AGBL4: variants seen among roughly 807,000 people sequenced by gnomAD.
AGBL4 encodes AGBL carboxypeptidase 4, also known as cytosolic carboxypeptidase 6.
AGBL4 carries 58 observed loss-of-function variants against 66.4 expected under a neutral mutation model. That is an observed-to-expected ratio of 0.87 (90% CI 0.71 to 1.09). The LOEUF is 1.09. AGBL4 is among the 50% of genes least tolerant of loss of function. The pLI, the probability that AGBL4 is intolerant of heterozygous loss-of-function variation, is 0.00. For synonymous variants in AGBL4, 234 were observed against 222.9 expected (o/e 1.05, Z -0.44); for missense variants, 579 against 631.0 (o/e 0.92, Z 0.88).
chr1:49,403,449 T>G (rs1645130064), intron 3 of AGBL4, among the ~76,000 whole-genome samples: 1 of 152,212 alleles, frequency 6.6e-6, no homozygotes, highest in Non-Finnish European at 1.5e-5. Flanking sequence ...TTTAATTATT[T>G]TAATCTCTCT....
At chr1:49,154,916 C>T (rs1472878567) in intron 4 of AGBL4, among the ~76,000 whole-genome samples, 3 of 152,130 alleles carry the variant, frequency 2.0e-5, no homozygotes, top group Non-Finnish European at 4.4e-5. Context: ...ATGCTGCATA[C>T]TTAATTATAT....
At chr1:49,630,877 T>C (rs1054872669) in intron 3 of AGBL4, among the ~76,000 whole-genome samples, 6 of 152,170 alleles carry the variant, frequency 3.9e-5, no homozygotes, top group Non-Finnish European at 7.3e-5. Flanking sequence ...AGTATTTTAA[T>C]CGTTAAATAG....
chr1:49,257,429 T>C, intron 3 of AGBL4: 1 of 157,552 alleles, frequency 6.3e-6, no homozygotes, highest in Non-Finnish European at 1.4e-5. Flanking sequence ...CTCAGACTGC[T>C]GTGCTAGCAA....
intron 1 of AGBL4, among the ~76,000 whole-genome samples, chr1:49,890,347 T>C (rs1648515999): frequency 6.6e-6 from 1 of 152,152 alleles, no homozygotes; most frequent in African/African-American, 2.4e-5. Context: ...GTTCTAAGTG[T>C]GGAGACAACA....
chr1:48,662,040 A>T (rs1374273797), intron 7 of AGBL4, among the ~76,000 whole-genome samples: 1 of 152,108 alleles, frequency 6.6e-6, no homozygotes, highest in East Asian at 1.9e-4. Flanking sequence ...CCTCCCTGAA[A>T]CTCCATCTTC....
chr1:48,739,228 T>C (rs1343776527), intron 6 of AGBL4, among the ~76,000 whole-genome samples: 1 of 152,222 alleles, frequency 6.6e-6, no homozygotes, highest in Non-Finnish European at 1.5e-5. Flanking sequence ...CAGTCCTTGC[T>C]CCCTTCAACC....
intron 3 of AGBL4, among the ~76,000 whole-genome samples, chr1:49,377,090 G>A (rs1193009274): frequency 6.6e-6 from 1 of 152,068 alleles, no homozygotes; most frequent in Non-Finnish European, 1.5e-5. Flanking sequence ...GAGTAGGTAT[G>A]AGAGAGGAAA....
downstream of AGBL4, among the ~76,000 whole-genome samples, chr1:48,531,810 C>T (rs1023377257): frequency 1.3e-5 from 2 of 152,144 alleles, no homozygotes; most frequent in African/African-American, 4.8e-5. Context: ...GAGTCTCACT[C>T]TGTCACCCAG....
intron 2 of AGBL4, among the ~76,000 whole-genome samples, chr1:49,794,210 A>T (rs2147934290): frequency 1.3e-5 from 2 of 152,022 alleles, no homozygotes; most frequent in Middle Eastern, 6.8e-3. Flanking sequence ...CACTAAAATA[A>T]AAAATATTGT....
At chr1:48,874,488 C>T (rs536310291) in intron 5 of AGBL4, among the ~76,000 whole-genome samples, 1 of 152,240 alleles carries the variant, frequency 6.6e-6, no homozygotes, top group Admixed American at 6.5e-5. Context: ...TTTAATGATT[C>T]CCATTGCATT....
At chr1:49,115,687 T>A (rs1023264321) in intron 4 of AGBL4, among the ~76,000 whole-genome samples, 2 of 152,114 alleles carry the variant, frequency 1.3e-5, no homozygotes, top group African/African-American at 2.4e-5. Context: ...AAAATCCTCA[T>A]TGAAATTGTT....
chr1:48,604,120 G>A (rs554604509), intron 9 of AGBL4, among the ~76,000 whole-genome samples: 17 of 147,006 alleles, frequency 1.2e-4, no homozygotes, highest in Admixed American at 6.1e-4. Flanking sequence ...GCTACGGAGC[G>A]AGACTTCATC....
At chr1:48,886,654 G>A (rs1650378858) in intron 5 of AGBL4, among the ~76,000 whole-genome samples, 1 of 152,080 alleles carries the variant, frequency 6.6e-6, no homozygotes, top group African/African-American at 2.4e-5. Context: ...CTGGGTGCAC[G>A]CTATTCTCCT....
chr1:50,002,755 C>G, intron 1 of AGBL4, among the ~76,000 whole-genome samples: 1 of 152,108 alleles, frequency 6.6e-6, no homozygotes, highest in East Asian at 1.9e-4. Context: ...GAAAAGACTA[C>G]CAGAGGCCTT....
chr1:49,724,002 T>C (rs1648815974), intron 2 of AGBL4, among the ~76,000 whole-genome samples: 1 of 152,146 alleles, frequency 6.6e-6, no homozygotes, highest in Admixed American at 6.6e-5. Context: ...ATAGTTTATG[T>C]CAGTCAGTAG....
chr1:49,790,390 A>G (rs1644568458), intron 2 of AGBL4, among the ~76,000 whole-genome samples: 1 of 151,116 alleles, frequency 6.6e-6, no homozygotes, highest in South Asian at 2.1e-4. Flanking sequence ...AAAGAAGCTC[A>G]GTAAACCCCA....
Position 49,047,385 on chromosome 1 carries a change from G to T in AGBL4, c.378-1585C>A, listed in dbSNP as rs1190900463. Among the ~76,000 whole-genome samples the T allele has an allele frequency of 2.0e-5, 3 of 152,220 alleles. 1 individual carries two copies. In the South Asian group the frequency reaches 6.2e-4, roughly 32 times the overall value. ...ATAAAAGTCAGAGGTAGTATCAAAG[G>T]TTGTTTAAAGGTGTTTGGCCCACCA... On this transcript the variant is annotated intron_variant, in intron 4 of 13. Coordinates refer to ENST00000371839, the MANE Select transcript of AGBL4 (RefSeq NM_032785.4).
chr1:49,244,365 C>T (rs907376381), intron 4 of AGBL4, among the ~76,000 whole-genome samples: 57 of 151,676 alleles, frequency 3.8e-4, no homozygotes, highest in African/African-American at 1.2e-3. Context: ...AAAGCAAAGG[C>T]CTACCCCTTG....
chr1:49,490,253 T>C (rs1254666791), intron 3 of AGBL4, among the ~76,000 whole-genome samples: 3 of 151,832 alleles, frequency 2.0e-5, no homozygotes, highest in African/African-American at 7.2e-5. Flanking sequence ...TATCTTGTTT[T>C]TTCATTCATC....
Sources: gnomAD v4.1 joint callset for allele counts (sites outside exome capture counted in the v4.1 genomes callset) on GRCh38, gnomAD v4.1.1 for gene constraint, MANE v1.5 for transcripts, NCBI Gene and HGNC (gene_info 2026-07-23, HGNC 2026-07-21) for gene names.